AQP12A: variants seen among roughly 807,000 people sequenced by gnomAD.
The protein encoded by AQP12A is aquaporin 12A.
Under a neutral mutation model 12.2 loss-of-function variants are expected in AQP12A, and 11 were observed. That is an observed-to-expected ratio of 0.90 (90% CI 0.57 to 1.49). AQP12A has a LOEUF of 1.49. Among genes scored for constraint, AQP12A ranks in the 40% most tolerant of loss-of-function variants. The probability of loss-of-function intolerance (pLI) is 0.00; values close to 1 mark genes in which losing one functional copy is unlikely to be tolerated. For missense variants in AQP12A, 203 were observed against 260.8 expected, an observed-to-expected ratio of 0.78 and a Z score of 1.53; for synonymous variants, 101 against 127.1, an observed-to-expected ratio of 0.79 and a Z score of 1.38.
chr2:240,692,969 C>G (rs1345736679), intron 2 of AQP12A, among the ~76,000 whole-genome samples: 1 of 152,272 alleles, frequency 6.6e-6, no homozygotes, highest in Non-Finnish European at 1.5e-5. Flanking sequence ...ATCCTGCGAT[C>G]TCTGCCTGCA....
intron 2 of AQP12A, among the ~76,000 whole-genome samples, chr2:240,693,103 C>T (rs2044086173): frequency 2.0e-5 from 3 of 152,156 alleles, no homozygotes; most frequent in Admixed American, 6.5e-5. Flanking sequence ...CTAGGCTCCA[C>T]CACCACGAAA....
rs556220702 is a variant in AQP12A, at chr2:240,692,056, G to C, written c.124-18G>C. 11 of 1,579,746 alleles carry C rather than the reference G, an allele frequency of 7.0e-6. 1 individual carries two copies. Among genetic ancestry groups the C allele is most frequent in the Admixed American group, 1.9e-5 (1 of 52,010 alleles). On this transcript the variant is annotated intron_variant, in intron 1 of 3. Transcript: ENST00000337801. ...GAGGCGGTGGGTGCGGGTGCAGCTC[G>C]GGCCCTGCTGCCTGGAGATGAGGAC...
In AQP12A at chr2:240,692,246, C is replaced by T. The variant is rs148248008; in HGVS notation, c.296C>T (p.Thr99Met). ...FLMAEQSLPG[T>M]LLKLAAQGLG... ...ATGGCCGAGCAGTCTCTGCCTGGCA[C>T]GCTGTTGAAGCTGGCGGCACAGGGG... The change falls in exon 2 of 4, where the codon ACG becomes ATG. Residue 99 changes from threonine to methionine, a missense_variant. This residue lies in a region of AQP12A where 191 missense variants were observed against 197.1 expected (regional missense o/e 0.97). Transcript: ENST00000337801. 1.4e-5 allele frequency: 22 copies of T among 1,578,606 alleles called. 3 individuals carry two copies. Among genetic ancestry groups the T allele is most frequent in the South Asian group, 1.1e-4 (10 of 88,126 alleles).
Position 240,692,293 on chromosome 2 carries a change from A to T in AQP12A, c.343A>T (p.Thr115Ser). The T allele has an allele frequency of 6.3e-7, 1 of 1,578,180 alleles. No homozygotes were observed. Among genetic ancestry groups the T allele is most frequent in the Non-Finnish European group, 8.6e-7 (1 of 1,167,244 alleles). ...AQGLGMQAAC[T>S]LMRLCWAWEL... ...GGGGCTGGGCATGCAGGCCGCCTGC[A>T]CCCTGATGCGCCTCTGCTGGGCCTG... Residue 115 changes from threonine (T) to serine (S), a missense_variant, in exon 2 of 4, where the codon ACC (threonine) becomes TCC (serine). Physicochemically the swap from Thr to Ser is moderately conservative, Grantham distance 58. Transcript: ENST00000337801.
At chr2:240,693,308 C>A (rs1291111325) in intron 2 of AQP12A, among the ~76,000 whole-genome samples, 3 of 152,284 alleles carry the variant, frequency 2.0e-5, no homozygotes, top group African/African-American at 7.2e-5. Flanking sequence ...CACGACCCAG[C>A]ACTGGGCAGA....
chr2:240,692,760 C>A (rs1157376446), intron 2 of AQP12A, among the ~76,000 whole-genome samples: 17 of 151,116 alleles, frequency 1.1e-4, no homozygotes, highest in Non-Finnish European at 1.9e-4. Flanking sequence ...CTGCACCTCT[C>A]CCCAGTCGCA....
In AQP12A at chr2:240,692,164, G is replaced by T. The variant is rs143894146; in HGVS notation, c.214G>T (p.Gly72Trp). 3 of 1,583,650 alleles carry T rather than the reference G, an allele frequency of 1.9e-6. No homozygotes were observed. Among genetic ancestry groups the T allele is most frequent in the Non-Finnish European group, 2.6e-6 (3 of 1,168,430 alleles). The change falls in exon 2 of 4, where the codon GGG becomes TGG. Residue 72 changes from glycine to tryptophan, a missense_variant. This residue lies in a region of AQP12A where 191 missense variants were observed against 197.1 expected (regional missense o/e 0.97). Transcript: ENST00000337801. ...TLLFLLFLAH[G>W]VTLDGASANP... ...GCTCTTCCTGCTCTTCCTGGCGCAC[G>T]GGGTCACCTTGGACGGGGCCTCGGC...
In AQP12A at chr2:240,698,316, AGCCTGGGC is replaced by A. The variant is rs2044112430; in HGVS notation, c.851_858del (p.Pro284GlnfsTer4). The A allele has an allele frequency of 2.8e-5, 6 of 214,158 alleles. No homozygotes were observed. Among genetic ancestry groups the A allele is most frequent in the Non-Finnish European group, 4.5e-5 (6 of 132,104 alleles). The allele number at this position is 214,158 out of a possible 1,614,324, so 13.3% of individuals were successfully genotyped here. ...CCTGCAAAGGGGTCCAGTGTCCGGGAGCCTGGGCGCAGTGGTGTTGAGGGGCCACATTC... is the reference window on the plus strand; with the variant it reads ...CCTGCAAAGGGGTCCAGTGTCCGGGAGCAGTGGTGTTGAGGGGCCACATTC... On this transcript the variant is annotated frameshift_variant, in exon 4 of 4. Coordinates refer to ENST00000337801, the MANE Select transcript of AQP12A (RefSeq NM_198998.3). LOFTEE classifies it low-confidence loss of function (END_TRUNC).
chr2:240,692,939 G>A (rs1198015743), intron 2 of AQP12A, among the ~76,000 whole-genome samples: 1 of 152,190 alleles, frequency 6.6e-6, no homozygotes, highest in Admixed American at 6.5e-5. Context: ...TGGCCTCCCT[G>A]GCCTCCTACT....
intron 2 of AQP12A, among the ~76,000 whole-genome samples, chr2:240,693,072 G>A (rs1179030542): frequency 2.0e-4 from 30 of 152,320 alleles, no homozygotes; most frequent in South Asian, 2.1e-4. Context: ...AGTCCCCCAT[G>A]TCTGCTTTCC....
intron 2 of AQP12A, among the ~76,000 whole-genome samples, chr2:240,693,092 G>A (rs1289113561): frequency 2.0e-5 from 3 of 152,246 alleles, no homozygotes; most frequent in African/African-American, 7.2e-5. Flanking sequence ...CCCTCCGAGC[G>A]CTAGGCTCCA....
rs142225246 is a variant in AQP12A at position 240,692,381 on chromosome 2, G to A, written c.431G>A (p.Arg144His). The change falls in exon 2 of 4, where the codon CGC becomes CAC. Residue 144 changes from arginine (R) to histidine (H), a missense_variant. Transcript: ENST00000337801. ...GCCCAGAGCTGCAGCTCGGCCCTGC[G>A]CACATCCGTGCCCCACGGGGCGCTT... ...LMAQSCSSAL[R>H]TSVPHGALVE... is the part of the protein sequence containing the mutation. 8.6e-6 allele frequency: 13 copies of A among 1,515,216 alleles called. 1 individual carries two copies. Among genetic ancestry groups the A allele is most frequent in the Admixed American group, 4.5e-5 (2 of 44,244 alleles). The allele number at this position is 1,515,216 out of a possible 1,614,324, so 93.9% of individuals were successfully genotyped here. A position where few individuals can be genotyped will look rare whatever the true frequency, so the allele number is the denominator to read the frequency against.
At position 240,693,960 on chromosome 2, in the gene AQP12A, C is replaced by G. The variant is rs1196427788; in HGVS notation, c.572-473C>G. ...CTCTCTCTCTGTCTCTCCTCTCTCTCTCTGTCTCTCCTCTCTCTCTCTGTC... is the reference window on the plus strand; with the variant it reads ...CTCTCTCTCTGTCTCTCCTCTCTCTGTCTGTCTCTCCTCTCTCTCTCTGTC... On this transcript the variant is annotated intron_variant, in intron 2 of 3. Coordinates refer to ENST00000337801, the MANE Select transcript of AQP12A (RefSeq NM_198998.3). 9.0e-5 allele frequency among the ~76,000 whole-genome samples: 6 copies of G among 66,914 alleles called. No homozygotes were observed. In the South Asian group the frequency reaches 2.4e-3, roughly 27 times the overall value. 43.9% of individuals were successfully genotyped at this position (66,914 alleles called of 152,430 possible). A position where few individuals can be genotyped will look rare whatever the true frequency, so the allele number is the denominator to read the frequency against.
Position 240,692,159 on chromosome 2 carries a change from C to A in AQP12A, c.209C>A (p.Ala70Glu), listed in dbSNP as rs774372497. 18 of 1,583,626 alleles carry A rather than the reference C, an allele frequency of 1.1e-5. 4 individuals are homozygous for A. The highest frequency in any genetic ancestry group is 7.6e-5 in the Admixed American group (4 of 52,734). ...LLTLLFLLFL[A>E]HGVTLDGASA... ...ACCCTGCTCTTCCTGCTCTTCCTGGCGCACGGGGTCACCTTGGACGGGGCC... is the reference window on the plus strand; with the variant it reads ...ACCCTGCTCTTCCTGCTCTTCCTGGAGCACGGGGTCACCTTGGACGGGGCC... The change falls in exon 2 of 4, where the codon GCG (alanine) becomes GAG (glutamate). Residue 70 changes from alanine (A) to glutamate (E), a missense_variant. Physicochemically the swap from Ala to Glu is moderately radical, Grantham distance 107. Transcript: ENST00000337801.
Position 240,691,877 on chromosome 2 carries a change from T to A in AQP12A, c.-37T>A, listed in dbSNP as rs757342903. 5.7e-6 allele frequency: 9 copies of A among 1,587,222 alleles called. 2 individuals are homozygous for A. The highest frequency in any genetic ancestry group is 7.7e-6 in the Non-Finnish European group (9 of 1,168,392). On this transcript the variant is annotated 5_prime_UTR_variant, in exon 1 of 4. Transcript: ENST00000337801. ...CCAGCTCCTGCTCTGTCCCCTCAGG[T>A]GTCCTGCAGGCACAGCTCCTCGGGG...
Position 240,692,281 on chromosome 2 carries a change from C to G in AQP12A, c.331C>G (p.Gln111Glu). 1 of 1,578,382 alleles carries G rather than the reference C, an allele frequency of 6.3e-7. No homozygotes were observed. The highest frequency in any genetic ancestry group is 1.1e-5 in the South Asian group (1 of 88,168). The change falls in exon 2 of 4, where the codon CAG (glutamine) becomes GAG (glutamate). Residue 111 changes from glutamine to glutamate, a missense_variant. Around this residue, in one of 2 missense-constraint regions of AQP12A, gnomAD observed 191 missense variants for 197.1 expected, o/e 0.97. Coordinates refer to ENST00000337801, the MANE Select transcript of AQP12A (RefSeq NM_198998.3). ...GCTGGCGGCACAGGGGCTGGGCATG[C>G]AGGCCGCCTGCACCCTGATGCGCCT... ...LKLAAQGLGM[Q>E]AACTLMRLCW...
chr2:240,692,479 G>C lies in AQP12A; in HGVS notation c.529G>C (p.Gly177Arg). The part of the protein sequence containing the change: ...HLRHSPPAYS[G>R]PAVALLVTVT... ...GCGGCACAGTCCTCCCGCCTACAGC[G>C]GGCCCGCTGTGGCTCTGTTGGTCAC... The change falls in exon 2 of 4, where the codon GGG becomes CGG. Residue 177 changes from glycine (G) to arginine (R), a missense_variant. Gly to Arg is a moderately radical substitution (Grantham distance 125). Around this residue, in one of 2 missense-constraint regions of AQP12A, gnomAD observed 12 missense variants for 63.8 expected, o/e 0.19. Coordinates refer to ENST00000337801, the MANE Select transcript of AQP12A (RefSeq NM_198998.3). The C allele has an allele frequency of 2.0e-6, 3 of 1,475,870 alleles. No homozygotes were observed. Among genetic ancestry groups the C allele is most frequent in the Non-Finnish European group, 2.7e-6 (3 of 1,100,200 alleles). The allele number at this position is 1,475,870 out of a possible 1,614,324, so 91.4% of individuals were successfully genotyped here.
At chr2:240,696,519 A>G (rs1237786668) in intron 3 of AQP12A, among the ~76,000 whole-genome samples, 1 of 134,920 alleles carries the variant, frequency 7.4e-6, no homozygotes, top group Non-Finnish European at 1.6e-5. Context: ...TTCTCTTCAT[A>G]TAGGGACACC....
Position 240,692,060 on chromosome 2 carries a change from C to G in AQP12A, c.124-14C>G. On this transcript the variant is annotated splice_polypyrimidine_tract_variant and intron_variant, in intron 1 of 3. Transcript: ENST00000337801. ...CGGTGGGTGCGGGTGCAGCTCGGGC[C>G]CTGCTGCCTGGAGATGAGGACGCTG... 3 of 1,579,854 alleles carry G rather than the reference C, an allele frequency of 1.9e-6. No homozygotes were observed. The highest frequency in any genetic ancestry group is 2.6e-6 in the Non-Finnish European group (3 of 1,167,534).
Sources: allele counts gnomAD v4.1 joint callset (sites outside exome capture counted in the v4.1 genomes callset), GRCh38; gene constraint gnomAD v4.1.1; regional missense constraint gnomAD v4.1.1; transcripts MANE v1.5; gene names NCBI Gene and HGNC (gene_info 2026-07-23, HGNC 2026-07-21).